The following ZBTB20 variants were observed in gnomAD, a reference collection of about 807,000 sequenced individuals.
ZBTB20 encodes zinc finger and BTB domain-containing protein 20.
In ZBTB20, 9 loss-of-function variants were observed where a neutral mutation model predicts 56.9. The observed-to-expected ratio is 0.16, with a 90% CI of 0.10 to 0.28. The LOEUF (loss-of-function observed/expected upper bound fraction) is 0.28. Ranked by LOEUF, ZBTB20 falls within the 10% of genes least tolerant of loss-of-function variation. The probability of loss-of-function intolerance (pLI) is 1.00; values close to 1 mark genes in which losing one functional copy is unlikely to be tolerated. For synonymous variants in ZBTB20, 417 were observed against 420.7 expected (o/e 0.99, Z 0.11); for missense variants, 655 against 1,003.0 (o/e 0.65, Z 4.69).
chr3:114,775,190 G>C (rs1277141060), intron 5 of ZBTB20, among the ~76,000 whole-genome samples: 1 of 151,600 alleles, frequency 6.6e-6, no homozygotes, highest in Non-Finnish European at 1.5e-5. Flanking sequence ...GCTAGGCTTC[G>C]GGACACAGTC....
At chr3:114,887,922 G>A (rs1336123533) in intron 4 of ZBTB20, among the ~76,000 whole-genome samples, 1 of 151,974 alleles carries the variant, frequency 6.6e-6, no homozygotes, top group Non-Finnish European at 1.5e-5. Flanking sequence ...AAACTTAAGA[G>A]GTTGCAGTGA....
intron 5 of ZBTB20, among the ~76,000 whole-genome samples, chr3:114,757,634 T>G (rs1425477290): frequency 2.0e-5 from 3 of 152,148 alleles, no homozygotes; most frequent in African/African-American, 7.2e-5. Context: ...GAGGACAGAA[T>G]GTGATCCAGT....
chr3:115,108,469 A>C (rs763097296), intron 1 of ZBTB20, among the ~76,000 whole-genome samples: 12 of 152,244 alleles, frequency 7.9e-5, no homozygotes, highest in Non-Finnish European at 1.8e-4. Flanking sequence ...GAAGAGGAGT[A>C]GTGGGAATTT....
chr3:114,716,204 C>T (rs569751325), intron 5 of ZBTB20, among the ~76,000 whole-genome samples: 2 of 152,216 alleles, frequency 1.3e-5, no homozygotes, highest in South Asian at 4.1e-4. Flanking sequence ...TAACATTTTG[C>T]AGTTCTCCTT....
intron 5 of ZBTB20, among the ~76,000 whole-genome samples, chr3:114,753,413 GTA>G (rs67371620): frequency 0.53 from 25,384 of 47,552 alleles, 11,110 homozygotes; most frequent in East Asian, 0.96. Context: ...ATACACACAC[GTA>G]TATATATATA....
In ZBTB20 at chr3:114,350,841, C is replaced by T; in HGVS notation, c.1237G>A (p.Ala413Thr). 6.2e-7 allele frequency: 1 copy of T among 1,612,396 alleles called. No homozygotes were observed. ...QAEPTQPEQA[A>T]EAPAEGGPQT... ...GGACCACCCTCAGCGGGGGCTTCTG[C>T]AGCCTGCTCGGGTTGGGTGGGTTCA... Residue 413 changes from alanine to threonine, a missense_variant, in exon 11 of 12, where the codon GCA becomes ACA. Ala to Thr is a moderately conservative substitution (Grantham distance 58). Transcript: ENST00000675478.
intron 6 of ZBTB20, among the ~76,000 whole-genome samples, chr3:114,565,217 C>T (rs915580118): frequency 1.3e-5 from 2 of 152,176 alleles, no homozygotes; most frequent in Admixed American, 6.6e-5. Flanking sequence ...ACATGAAACA[C>T]GCAGTCTCTA....
chr3:114,513,878 C>CA (rs150449062), intron 6 of ZBTB20, among the ~76,000 whole-genome samples: 1,467 of 133,024 alleles, frequency 0.011, 24 homozygotes, highest in African/African-American at 0.038. Flanking sequence ...TTTATTATAA[C>CA]AAAAAAAAGC....
chr3:114,472,978 T>A (rs2040315485), intron 7 of ZBTB20, among the ~76,000 whole-genome samples: 1 of 152,202 alleles, frequency 6.6e-6, no homozygotes, highest in African/African-American at 2.4e-5. Flanking sequence ...GCTAAACCTG[T>A]GCTGAGTCTG....
chr3:114,347,584 G>A (rs912260096), intron 11 of ZBTB20, among the ~76,000 whole-genome samples: 12 of 152,146 alleles, frequency 7.9e-5, no homozygotes, highest in Admixed American at 1.3e-4. Context: ...TTGGAAATGC[G>A]AGCTACAATG....
chr3:114,691,623 T>G, intron 6 of ZBTB20, among the ~76,000 whole-genome samples: 1 of 152,136 alleles, frequency 6.6e-6, no homozygotes, highest in African/African-American at 2.4e-5. Context: ...ATATATTTAT[T>G]TTAAATGTTT....
intron 6 of ZBTB20, among the ~76,000 whole-genome samples, chr3:114,604,253 G>T (rs983404984): frequency 6.6e-6 from 1 of 151,956 alleles, no homozygotes; most frequent in Non-Finnish European, 1.5e-5. Context: ...AAGAGATACT[G>T]GAGAATACAA....
chr3:114,473,269 T>C (rs1385316366), intron 7 of ZBTB20, among the ~76,000 whole-genome samples: 1 of 152,220 alleles, frequency 6.6e-6, no homozygotes, highest in African/African-American at 2.4e-5. Flanking sequence ...ACAGGAGATT[T>C]CCAAATTATT....
intron 3 of ZBTB20, among the ~76,000 whole-genome samples, chr3:114,934,139 G>A (rs1405507078): frequency 1.3e-5 from 2 of 152,078 alleles, no homozygotes; most frequent in Admixed American, 1.3e-4. Flanking sequence ...GAATCTCATC[G>A]AGTTATAGAT....
intron 7 of ZBTB20, among the ~76,000 whole-genome samples, chr3:114,447,058 C>A (rs1374515405): frequency 6.6e-6 from 1 of 152,060 alleles, no homozygotes; most frequent in Non-Finnish European, 1.5e-5. Context: ...GTAACACTGA[C>A]AAAAATTCTG....
At chr3:115,092,802 A>G (rs2083246251) in intron 1 of ZBTB20, among the ~76,000 whole-genome samples, 1 of 152,108 alleles carries the variant, frequency 6.6e-6, no homozygotes, top group South Asian at 2.1e-4. Context: ...CATTCGTTCA[A>G]TCATTAAACA....
chr3:114,948,660 T>C (rs1348290969), intron 3 of ZBTB20, among the ~76,000 whole-genome samples: 1 of 145,650 alleles, frequency 6.9e-6, no homozygotes, highest in Non-Finnish European at 1.5e-5. Flanking sequence ...TAGATAGATA[T>C]GAATTGTTTT....
At chr3:114,570,884 T>A (rs942115490) in intron 6 of ZBTB20, among the ~76,000 whole-genome samples, 3 of 152,168 alleles carry the variant, frequency 2.0e-5, no homozygotes. Context: ...AATAAGTATT[T>A]CTTATTAATT....
At chr3:115,029,730 C>A (rs1198618642) in intron 2 of ZBTB20, among the ~76,000 whole-genome samples, 1 of 150,156 alleles carries the variant, frequency 6.7e-6, no homozygotes, top group Non-Finnish European at 1.5e-5. Context: ...CACTGTATAT[C>A]AAAATAAAAT....
Sources: allele counts gnomAD v4.1 joint callset (sites outside exome capture counted in the v4.1 genomes callset), GRCh38; gene constraint gnomAD v4.1.1; transcripts MANE v1.5; gene names NCBI Gene and HGNC (gene_info 2026-07-23, HGNC 2026-07-21).